THAP9: variants seen among roughly 807,000 people sequenced by gnomAD.
THAP9 encodes THAP domain containing 9, also known as DNA transposase THAP9.
A neutral mutation model predicts 35.7 loss-of-function variants in THAP9; 20 were observed. The observed-to-expected ratio is 0.56, with a 90% CI of 0.39 to 0.81. THAP9 has a LOEUF of 0.81. Ranked by LOEUF, THAP9 falls within the 40% of genes least tolerant of loss-of-function variation. The pLI, the probability that THAP9 is intolerant of heterozygous loss-of-function variation, is 0.00. For synonymous variants in THAP9, 335 were observed against 373.7 expected (o/e 0.90, Z 1.19); for missense variants, 870 against 1,047.4 (o/e 0.83, Z 2.34).
In THAP9 at chr4:82,919,370, T is replaced by C. The variant is rs1344577853; in HGVS notation, c.*446T>C. 6.6e-6 allele frequency: 1 copy of C among 152,488 alleles called. No individual in the cohort carries two copies. The highest frequency in any genetic ancestry group is 1.5e-5 in the Non-Finnish European group (1 of 68,226). 9.4% of individuals were successfully genotyped at this position (152,488 alleles called of 1,614,324 possible). ...GACAATACCTATAAAACTTTGAAGA[T>C]AACTTTTACTTAAATATGAAAATTA... On this transcript the variant is annotated 3_prime_UTR_variant, in exon 5 of 5. Transcript: ENST00000302236.
At chr4:82,901,721 T>G (rs34697612) in intron 1 of THAP9, among the ~76,000 whole-genome samples, 81,907 of 151,704 alleles carry the variant, frequency 0.54, 24,183 homozygotes, top group East Asian at 0.78. Context: ...TTTTTTTTTT[T>G]TTTTGTTTTC....
chr4:82,906,266 A>C, intron 2 of THAP9, 58 bp from the exon 3 acceptor site: 1 of 1,388,004 alleles, frequency 7.2e-7, no homozygotes, highest in Non-Finnish European at 9.7e-7. Context: ...GTATTTTTAC[A>C]GATACTCTTC....
At chr4:82,901,044 T>A in intron 1 of THAP9, 162 bp downstream of exon 1, 3 of 826,416 alleles carry the variant, frequency 3.6e-6, no homozygotes, top group Non-Finnish European at 6.1e-6. Context: ...TGGGGCACTG[T>A]GAGAATTGAG....
rs775615506 is a variant in THAP9, at chr4:82,906,360, C to CA, written c.319dup (p.Ile107AsnfsTer16). On this transcript the variant is annotated frameshift_variant, in exon 3 of 5. Transcript: ENST00000302236. LOFTEE classifies it high-confidence loss of function. ...TGTACATCTTAAAGGTAAAGCAAGA[C>CA]AAAAAATCCTAAAACAACCTCTTCC... is the stretch of plus-strand genomic sequence containing the variant. The CA allele has an allele frequency of 4.4e-6, 7 of 1,607,020 alleles. No homozygotes were observed. In the East Asian group the frequency reaches 8.9e-5, roughly 21 times the overall value.
At chr4:82,914,430 C>T (rs761196402) in intron 4 of THAP9, among the ~76,000 whole-genome samples, 14 of 152,190 alleles carry the variant, frequency 9.2e-5, no homozygotes, top group Non-Finnish European at 1.9e-4. Flanking sequence ...AATTTACACT[C>T]CCACCAACAG....
At chr4:82,903,969 CACTT>C (rs895855412) in intron 1 of THAP9, among the ~76,000 whole-genome samples, 6 of 151,880 alleles carry the variant, frequency 4.0e-5, no homozygotes, top group Non-Finnish European at 8.8e-5. Context: ...AGTCTGTGGT[CACTT>C]ACTGTCACAT....
intron 2 of THAP9, among the ~76,000 whole-genome samples, 198 bp from the exon 3 acceptor site, chr4:82,906,124 TTC>T (rs1720636276): frequency 1.4e-5 from 2 of 143,742 alleles, no homozygotes; most frequent in African/African-American, 2.8e-5. Flanking sequence ...ATATTAATAT[TTC>T]TGTGTAGTGC....
chr4:82,913,235 C>T (rs1720925278), intron 4 of THAP9: 1 of 152,162 alleles, frequency 6.6e-6, no homozygotes, highest in Admixed American at 6.5e-5. Context: ...ACGTACCATT[C>T]TGCTTCATGT....
rs1309257839 is a variant in THAP9 at position 82,918,651 on chromosome 4, T to C, written c.2439T>C (p.Leu813=). ...ILCELSGHIN[L]FVDVNKHLFD... ...GTGAGCTTTCTGGGCATATTAATCT[T>C]TTTGTAGATGTGAATAAGCATCTCT... Residue 813 remains leucine, a synonymous_variant, in exon 5 of 5, where the codon CTT becomes CTC. Coordinates refer to ENST00000302236, the MANE Select transcript of THAP9 (RefSeq NM_024672.6). 6.2e-7 allele frequency: 1 copy of C among 1,614,052 alleles called. No homozygotes were observed. The highest frequency in any genetic ancestry group is 8.5e-7 in the Non-Finnish European group (1 of 1,179,952).
intron 4 of THAP9, among the ~76,000 whole-genome samples, chr4:82,912,335 G>A (rs1720892584): frequency 6.6e-6 from 1 of 152,094 alleles, no homozygotes; most frequent in South Asian, 2.1e-4. Flanking sequence ...ATTCACTGCA[G>A]TTTAGTAAAC....
At chr4:82,904,058 C>CT (rs59655406) in intron 1 of THAP9, among the ~76,000 whole-genome samples, 23 of 82,194 alleles carry the variant, frequency 2.8e-4, no homozygotes, top group Admixed American at 7.1e-4. Context: ...TAGGCTCCCC[C>CT]TTTTTTTTTT....
chr4:82,908,768 G>A (rs1478572582), intron 4 of THAP9, among the ~76,000 whole-genome samples: 1 of 151,978 alleles, frequency 6.6e-6, no homozygotes, highest in African/African-American at 2.4e-5. Flanking sequence ...CTACTATTTT[G>A]TATTTTTAGT....
At chr4:82,905,249 T>C (rs1720597956) in intron 2 of THAP9, among the ~76,000 whole-genome samples, 1 of 152,174 alleles carries the variant, frequency 6.6e-6, no homozygotes, top group African/African-American at 2.4e-5. Flanking sequence ...GCTTTCATAG[T>C]ACTTTGAAAT....
At chr4:82,915,491 A>G (rs1578455444) in intron 4 of THAP9, among the ~76,000 whole-genome samples, 1 of 152,232 alleles carries the variant, frequency 6.6e-6, no homozygotes, top group South Asian at 2.1e-4. Context: ...TCCTGACCTC[A>G]GGTGATTTGC....
chr4:82,909,785 G>C (rs1202225266), intron 4 of THAP9, among the ~76,000 whole-genome samples: 4 of 152,068 alleles, frequency 2.6e-5, no homozygotes, highest in Non-Finnish European at 5.9e-5. Flanking sequence ...AAGCAAGAGA[G>C]TTTTATAGGT....
chr4:82,909,216 AT>A (rs1386941668), intron 4 of THAP9, among the ~76,000 whole-genome samples: 1 of 152,124 alleles, frequency 6.6e-6, no homozygotes, highest in African/African-American at 2.4e-5. Flanking sequence ...AGATTCCTTT[AT>A]AAAAAATTAT....
At chr4:82,909,730 T>A (rs1720797917) in intron 4 of THAP9, among the ~76,000 whole-genome samples, 1 of 152,170 alleles carries the variant, frequency 6.6e-6, no homozygotes, top group African/African-American at 2.4e-5. Flanking sequence ...GATTTTACCA[T>A]TCAAGCTAGA....
At chr4:82,913,592 C>A (rs1351579081) in intron 4 of THAP9, among the ~76,000 whole-genome samples, 1 of 151,706 alleles carries the variant, frequency 6.6e-6, no homozygotes, top group Non-Finnish European at 1.5e-5. Flanking sequence ...ATTTTAGGTT[C>A]AGGGGTACAT....
chr4:82,917,948 T>C lies in THAP9; in HGVS notation c.1736T>C (p.Leu579Pro). 6.2e-7 allele frequency: 1 copy of C among 1,614,032 alleles called. No individual in the cohort carries two copies. ...AAACTAGGATTCCTGGGATTTTTGC[T>C]CAATGCTGAGAGCTTAAAATGGCTC... The part of the protein sequence containing the change: ...KQKLGFLGFL[L>P]NAESLKWLYQ... Residue 579 changes from leucine to proline, a missense_variant, in exon 5 of 5, where the codon CTC becomes CCC. Around this residue, in one of 3 missense-constraint regions of THAP9, gnomAD observed 414 missense variants for 500.8 expected, o/e 0.83. Transcript: ENST00000302236.
Sources: allele counts gnomAD v4.1 joint callset (sites outside exome capture counted in the v4.1 genomes callset), GRCh38; gene constraint gnomAD v4.1.1; regional missense constraint gnomAD v4.1.1; transcripts MANE v1.5; gene names NCBI Gene and HGNC (gene_info 2026-07-23, HGNC 2026-07-21).